The following PPP3CC variants were observed in gnomAD, a reference collection of about 807,000 sequenced individuals.
The protein encoded by PPP3CC is serine/threonine-protein phosphatase 2B catalytic subunit gamma isoform.
Under a neutral mutation model 60.3 loss-of-function variants are expected in PPP3CC, and 35 were observed. That is an observed-to-expected ratio of 0.58 (90% CI 0.44 to 0.77). PPP3CC has a LOEUF of 0.77. PPP3CC is among the 30% of genes least tolerant of loss of function. The pLI is 0.00. For synonymous variants in PPP3CC, 206 were observed against 224.3 expected (o/e 0.92, Z 0.73); for missense variants, 570 against 628.9 (o/e 0.91, Z 1.00).
At chr8:22,445,077 G>A (rs1039141426) in intron 1 of PPP3CC, among the ~76,000 whole-genome samples, 1 of 152,116 alleles carries the variant, frequency 6.6e-6, no homozygotes, top group African/African-American at 2.4e-5. Flanking sequence ...TTTTTAGTAA[G>A]GTGCTGATAC....
intron 1 of PPP3CC, among the ~76,000 whole-genome samples, chr8:22,444,578 GT>G (rs1836769605): frequency 6.6e-6 from 1 of 152,192 alleles, no homozygotes; most frequent in African/African-American, 2.4e-5. Flanking sequence ...GCACAGTTCT[GT>G]CTGGTACTCC....
rs199989194 is a variant in PPP3CC at position 22,528,625 on chromosome 8, GGTTTTAGTT to G, written c.1141+58_1141+66del. The G allele has an allele frequency of 2.4e-3, 3,201 of 1,336,484 alleles. 67 individuals are homozygous for G. The African/African-American group carries it at 0.042, about 18-fold the overall frequency. The allele number at this position is 1,336,484 out of a possible 1,614,324, so 82.8% of individuals were successfully genotyped here. ...TAAAACTAGAAAGAGGTTTGGTTTT[GGTTTTAGTT>G]GTTTTAGTTTATTTTGAATGATTTT... On this transcript the variant is annotated intron_variant, in intron 10 of 13. Transcript: ENST00000240139.
At chr8:22,441,807 A>G (rs1240775210) in intron 1 of PPP3CC, among the ~76,000 whole-genome samples, 1 of 151,732 alleles carries the variant, frequency 6.6e-6, no homozygotes, top group Admixed American at 6.6e-5. Context: ...CAGGGAGTCG[A>G]CTCTTCCAAG....
chr8:22,491,059 G>A (rs184653989), intron 3 of PPP3CC, among the ~76,000 whole-genome samples: 76 of 152,256 alleles, frequency 5.0e-4, no homozygotes, highest in African/African-American at 1.8e-3. Context: ...CAGTATTTAT[G>A]TATGACACTT....
intron 1 of PPP3CC, among the ~76,000 whole-genome samples, chr8:22,454,274 C>T (rs1837123842): frequency 6.6e-6 from 1 of 152,048 alleles, no homozygotes; most frequent in Non-Finnish European, 1.5e-5. Context: ...GCTGAGGCCT[C>T]CAGAGAGTCA....
chr8:22,502,910 G>A (rs2469756), intron 4 of PPP3CC, among the ~76,000 whole-genome samples: 84,369 of 151,972 alleles, frequency 0.56, 24,889 homozygotes, highest in African/African-American at 0.76. Context: ...TTTAGATGCA[G>A]TGTTGACATG....
chr8:22,451,251 C>A (rs913810432), intron 1 of PPP3CC, among the ~76,000 whole-genome samples: 9 of 150,940 alleles, frequency 6.0e-5, no homozygotes, highest in African/African-American at 2.2e-4. Context: ...TTCTCCTGCC[C>A]CAGCCTCCCG....
chr8:22,458,987 C>A (rs1254650740), intron 1 of PPP3CC, among the ~76,000 whole-genome samples: 1 of 151,962 alleles, frequency 6.6e-6, no homozygotes, highest in East Asian at 1.9e-4. Flanking sequence ...TAAAATGTTT[C>A]ATTGTTATGA....
At chr8:22,504,320 G>A (rs913587288) in intron 4 of PPP3CC, among the ~76,000 whole-genome samples, 3 of 151,888 alleles carry the variant, frequency 2.0e-5, no homozygotes, top group African/African-American at 7.3e-5. Flanking sequence ...ATTTTTTTAA[G>A]AGACAGGGTC....
chr8:22,511,785 A>G (rs1021169459), intron 5 of PPP3CC, among the ~76,000 whole-genome samples: 16 of 152,168 alleles, frequency 1.1e-4, no homozygotes, highest in Admixed American at 2.6e-4. Flanking sequence ...ATAGTCCTGA[A>G]ACTTTGAATT....
At chr8:22,474,716 C>T (rs1017904984) in intron 1 of PPP3CC, among the ~76,000 whole-genome samples, 2 of 151,956 alleles carry the variant, frequency 1.3e-5, no homozygotes, top group African/African-American at 4.8e-5. Context: ...AAAAAACAAA[C>T]AACAAAAACC....
At chr8:22,517,841 T>C (rs1839294647) in intron 6 of PPP3CC, among the ~76,000 whole-genome samples, 1 of 152,072 alleles carries the variant, frequency 6.6e-6, no homozygotes, top group African/African-American at 2.4e-5. Context: ...GTTTTTCTAT[T>C]CTCTATTTGA....
At chr8:22,500,463 C>G (rs1185828244) in intron 4 of PPP3CC, among the ~76,000 whole-genome samples, 1 of 151,944 alleles carries the variant, frequency 6.6e-6, no homozygotes, top group East Asian at 1.9e-4. Context: ...AATATTTAAA[C>G]TTTTATTCCA....
chr8:22,528,688 C>A, intron 10 of PPP3CC, 111 bp downstream of exon 10: 3 of 799,620 alleles, frequency 3.8e-6, no homozygotes, highest in South Asian at 3.4e-5. Flanking sequence ...AAAGTTAGTT[C>A]ATTGTAGAAA....
At chr8:22,475,886 T>C (rs1483031889) in intron 3 of PPP3CC, among the ~76,000 whole-genome samples, 2 of 152,174 alleles carry the variant, frequency 1.3e-5, no homozygotes, top group Non-Finnish European at 2.9e-5. Context: ...CTTTTCCTCT[T>C]GAAGATAGTA....
At chr8:22,452,060 C>A (rs893325960) in intron 1 of PPP3CC, among the ~76,000 whole-genome samples, 19 of 149,832 alleles carry the variant, frequency 1.3e-4, no homozygotes, top group Non-Finnish European at 2.5e-4. Context: ...AGGCCTCACT[C>A]TGTTGTCTAG....
Position 22,441,325 on chromosome 8 carries a change from T to C in PPP3CC, c.-85T>C. Reference sequence around the variant, plus strand: ...CGGCTGGCTGACGGCTCCGGGCAGCTAAGGCTGCCCGAGGAGAAGGCGGCG... The same window carrying C: ...CGGCTGGCTGACGGCTCCGGGCAGCCAAGGCTGCCCGAGGAGAAGGCGGCG... On this transcript the variant is annotated 5_prime_UTR_variant, in exon 1 of 14. Transcript: ENST00000240139. 1 of 1,393,226 alleles carries C rather than the reference T, an allele frequency of 7.2e-7. No individual in the cohort carries two copies. Among genetic ancestry groups the C allele is most frequent in the Non-Finnish European group, 9.6e-7 (1 of 1,043,004 alleles). 86.3% of individuals were successfully genotyped at this position (1,393,226 alleles called of 1,614,324 possible).
At chr8:22,446,278 G>C (rs57009280) in intron 1 of PPP3CC, among the ~76,000 whole-genome samples, 27,947 of 151,802 alleles carry the variant, frequency 0.18, 4,889 homozygotes, top group African/African-American at 0.47. Context: ...CAGTCCACTG[G>C]TTTCCATCCC....
intron 9 of PPP3CC, among the ~76,000 whole-genome samples, chr8:22,527,860 C>T (rs1839601270): frequency 6.6e-6 from 1 of 152,182 alleles, no homozygotes; most frequent in African/African-American, 2.4e-5. Flanking sequence ...GTCTCAAACT[C>T]CTGACCTTAA....
Sources: gnomAD v4.1 joint callset for allele counts (sites outside exome capture counted in the v4.1 genomes callset) on GRCh38, gnomAD v4.1.1 for gene constraint, MANE v1.5 for transcripts, NCBI Gene and HGNC (gene_info 2026-07-23, HGNC 2026-07-21) for gene names.